Variants in IMMP1L observed in about 807,000 individuals in gnomAD.
The protein encoded by IMMP1L is mitochondrial inner membrane protease subunit 1.
Under a neutral mutation model 21.8 loss-of-function variants are expected in IMMP1L, and 24 were observed. The ratio of observed to expected loss-of-function variants is 1.10; its 90% confidence interval spans 0.80 to 1.55. The LOEUF (loss-of-function observed/expected upper bound fraction) is 1.55, where lower values mean the gene tolerates loss of function less well. Among genes scored for constraint, IMMP1L ranks in the 40% most tolerant of loss-of-function variants. The pLI is 0.00. For synonymous variants in IMMP1L, 46 were observed against 62.8 expected (o/e 0.73, Z 1.26); for missense variants, 195 against 200.7 (o/e 0.97, Z 0.17).
intron 4 of IMMP1L, among the ~76,000 whole-genome samples, chr11:31,450,478 G>A (rs1953709347): frequency 6.6e-6 from 1 of 152,136 alleles, no homozygotes; most frequent in Non-Finnish European, 1.5e-5. Flanking sequence ...TCTGCTTAAA[G>A]AAAGGCCTGA....
intron 1 of IMMP1L, among the ~76,000 whole-genome samples, chr11:31,504,110 A>C (rs1007493627): frequency 2.0e-5 from 3 of 152,230 alleles, no homozygotes; most frequent in Non-Finnish European, 4.4e-5. Flanking sequence ...TAAATATTTA[A>C]AAGTAAAACA....
chr11:31,461,350 G>A (rs1329764585), intron 2 of IMMP1L, among the ~76,000 whole-genome samples: 1 of 152,092 alleles, frequency 6.6e-6, no homozygotes, highest in Non-Finnish European at 1.5e-5. Context: ...CAAAACTTTG[G>A]AAGAATGACT....
At chr11:31,482,974 C>T (rs1954950900) in intron 1 of IMMP1L, among the ~76,000 whole-genome samples, 1 of 151,900 alleles carries the variant, frequency 6.6e-6, no homozygotes. Context: ...TATATATTCA[C>T]AACTACATGC....
chr11:31,438,311 T>C (rs950606429), intron 4 of IMMP1L, among the ~76,000 whole-genome samples: 1 of 152,180 alleles, frequency 6.6e-6, no homozygotes, highest in Admixed American at 6.5e-5. Flanking sequence ...TGAAAGCATT[T>C]TTCCATTATG....
At chr11:31,439,502 T>G (rs774506904) in intron 4 of IMMP1L, among the ~76,000 whole-genome samples, 4 of 152,214 alleles carry the variant, frequency 2.6e-5, no homozygotes, top group Non-Finnish European at 5.9e-5. Context: ...TTAGAGTGCT[T>G]CTCTGCTAAT....
chr11:31,437,326 T>G (rs1953158262), intron 4 of IMMP1L, among the ~76,000 whole-genome samples: 1 of 152,192 alleles, frequency 6.6e-6, no homozygotes, highest in African/African-American at 2.4e-5. Flanking sequence ...TTATAATTTG[T>G]CCAAGGAACA....
chr11:31,495,710 A>T (rs1199265123), intron 1 of IMMP1L, among the ~76,000 whole-genome samples: 1 of 152,238 alleles, frequency 6.6e-6, no homozygotes, highest in Non-Finnish European at 1.5e-5. Flanking sequence ...GCACAGAAAT[A>T]GCATTGACAT....
At chr11:31,492,687 T>G (rs1955295541) in intron 1 of IMMP1L, among the ~76,000 whole-genome samples, 2 of 152,178 alleles carry the variant, frequency 1.3e-5, no homozygotes, top group African/African-American at 4.8e-5. Context: ...TTTCCTAATT[T>G]CAATATTGTT....
chr11:31,443,770 T>C (rs909799721), intron 4 of IMMP1L, among the ~76,000 whole-genome samples: 21 of 152,184 alleles, frequency 1.4e-4, no homozygotes, highest in Admixed American at 1.4e-3. Context: ...GTTATTGCCC[T>C]TCCCTTCTTA....
intron 1 of IMMP1L, among the ~76,000 whole-genome samples, chr11:31,467,399 T>G (rs902015632): frequency 3.9e-5 from 6 of 152,230 alleles, no homozygotes; most frequent in African/African-American, 1.4e-4. Flanking sequence ...GCTCCACCAG[T>G]GCAGAACAGT....
chr11:31,495,791 T>A (rs968884088), intron 1 of IMMP1L, among the ~76,000 whole-genome samples: 4 of 152,088 alleles, frequency 2.6e-5, no homozygotes, highest in African/African-American at 7.2e-5. Context: ...TTTCAACACA[T>A]GGTATTGAGA....
rs769377770 is a variant in IMMP1L, at chr11:31,433,497, A to G, written c.395T>C (p.Ile132Thr). 1.2e-5 allele frequency: 19 copies of G among 1,609,180 alleles called. No homozygotes were observed. The highest frequency in any genetic ancestry group is 1.5e-5 in the Non-Finnish European group (18 of 1,176,742). ...TCGTCCTCTTATTAGTCCATATGGA[A>G]TAGGTCCATAGCACCTGGAATCTGT... Reference protein sequence around the residue: ...NSTDSRCYGPIPYGLIRGRIF... With the variant: ...NSTDSRCYGPTPYGLIRGRIF... Residue 132 changes from isoleucine (I) to threonine (T), a missense_variant, in exon 5 of 6, where the codon ATT becomes ACT. Transcript: ENST00000532287.
chr11:31,435,648 C>A (rs1309180288), intron 4 of IMMP1L, among the ~76,000 whole-genome samples: 1 of 152,024 alleles, frequency 6.6e-6, no homozygotes, highest in Non-Finnish European at 1.5e-5. Context: ...CATTTAATTC[C>A]TTCTCTGTGA....
At chr11:31,434,386 T>TA (rs1953042033) in intron 4 of IMMP1L, among the ~76,000 whole-genome samples, 1 of 152,180 alleles carries the variant, frequency 6.6e-6, no homozygotes, top group Non-Finnish European at 1.5e-5. Flanking sequence ...CAATGTAAAC[T>TA]AAAAAACTTA....
At chr11:31,447,705 C>T (rs1376785511) in intron 4 of IMMP1L, among the ~76,000 whole-genome samples, 3 of 152,174 alleles carry the variant, frequency 2.0e-5, no homozygotes, top group Non-Finnish European at 4.4e-5. Context: ...AACACTCTAA[C>T]GTCCAGATTG....
intron 1 of IMMP1L, among the ~76,000 whole-genome samples, chr11:31,496,381 C>A (rs1955437528): frequency 6.6e-6 from 1 of 152,126 alleles, no homozygotes; most frequent in South Asian, 2.1e-4. Flanking sequence ...GGTGGGAATG[C>A]AAAATGGTAC....
intron 1 of IMMP1L, among the ~76,000 whole-genome samples, chr11:31,503,056 C>A (rs542981412): frequency 5.3e-5 from 8 of 152,198 alleles, no homozygotes; most frequent in Non-Finnish European, 1.2e-4. Flanking sequence ...TTAAAATCCA[C>A]TAAAATTATA....
At chr11:31,455,489 T>G (rs1953910359) in intron 4 of IMMP1L, among the ~76,000 whole-genome samples, 1 of 152,196 alleles carries the variant, frequency 6.6e-6, no homozygotes, top group Non-Finnish European at 1.5e-5. Context: ...TTACTGTTCT[T>G]GCACTTTTTC....
chr11:31,509,113 C>T (rs546399246), intron 1 of IMMP1L, among the ~76,000 whole-genome samples: 1 of 152,174 alleles, frequency 6.6e-6, no homozygotes. Context: ...ACAAAAGCTT[C>T]TTATCGGAAC....
Sources: allele counts gnomAD v4.1 joint callset (sites outside exome capture counted in the v4.1 genomes callset), GRCh38; gene constraint gnomAD v4.1.1; transcripts MANE v1.5; gene names NCBI Gene and HGNC (gene_info 2026-07-23, HGNC 2026-07-21).